Variants in CFAP47 observed in about 807,000 individuals in gnomAD.
The protein encoded by CFAP47 is cilia- and flagella-associated protein 47.
CFAP47 carries 29 observed loss-of-function variants against 148.1 expected under a neutral mutation model. The observed-to-expected ratio is 0.20, with a 90% CI of 0.15 to 0.27. The LOEUF (loss-of-function observed/expected upper bound fraction) is 0.27. Ranked by LOEUF, CFAP47 falls within the 10% of genes least tolerant of loss-of-function variation. The pLI is 1.00. For missense variants in CFAP47, 1,872 were observed against 1,697.5 expected (o/e 1.10, Z -1.81); for synonymous variants, 664 against 577.3 (o/e 1.15, Z -2.15).
chrX:36,380,355 T>C (rs1438263274), intron 63 of CFAP47, among the ~76,000 whole-genome samples: 1 of 113,176 alleles, frequency 8.8e-6, no homozygotes, highest in African/African-American at 3.2e-5. Context: ...TCTATTCTTT[T>C]CATCTTTCTA....
chrX:35,978,929 T>C (rs996323047), intron 15 of CFAP47, among the ~76,000 whole-genome samples: 2 of 111,804 alleles, frequency 1.8e-5, no homozygotes, highest in African/African-American at 6.5e-5. Context: ...TGTGTTTGTG[T>C]TTGATAGTGG....
chrX:36,027,130 ATATATATATGAT>A (rs1366621498), intron 22 of CFAP47, among the ~76,000 whole-genome samples: 19 of 87,737 alleles, frequency 2.2e-4, no homozygotes, highest in African/African-American at 4.2e-4. Context: ...ATATATGATT[ATATATATATGAT>A]TATATATATG....
chrX:36,164,053 G>A (rs768706988), intron 39 of CFAP47, among the ~76,000 whole-genome samples: 2 of 111,866 alleles, frequency 1.8e-5, no homozygotes, highest in African/African-American at 6.5e-5. Context: ...AGCATACTTT[G>A]TATTATTTAA....
At chrX:36,056,351 A>G (rs567304825) in intron 26 of CFAP47, among the ~76,000 whole-genome samples, 1 of 112,080 alleles carries the variant, frequency 8.9e-6, no homozygotes, top group African/African-American at 3.2e-5. Flanking sequence ...AGGGCATTTC[A>G]TATTTATACT....
chrX:36,195,064 T>C (rs1446287121), intron 42 of CFAP47, among the ~76,000 whole-genome samples: 1 of 113,010 alleles, frequency 8.8e-6, no homozygotes, highest in East Asian at 2.8e-4. Flanking sequence ...TGATGGGACA[T>C]CCTTGTCCTT....
At chrX:36,233,323 G>T (rs1384585099) in intron 46 of CFAP47, among the ~76,000 whole-genome samples, 1 of 111,564 alleles carries the variant, frequency 9.0e-6, no homozygotes, top group African/African-American at 3.3e-5. Flanking sequence ...TATATATTTA[G>T]GATAGTTAGC....
At chrX:36,235,835 TACA>T in intron 46 of CFAP47, 96 bp from the exon 47 acceptor site, 1 of 364,419 alleles carries the variant, frequency 2.7e-6, no homozygotes, top group Non-Finnish European at 4.9e-6. Context: ...CAATTAAAAA[TACA>T]ATATATAATG....
intron 15 of CFAP47, among the ~76,000 whole-genome samples, chrX:35,978,039 C>G (rs1936593581): frequency 8.9e-6 from 1 of 112,137 alleles, no homozygotes; most frequent in Non-Finnish European, 1.9e-5. Flanking sequence ...AATTTTAATA[C>G]TGAAAATACT....
In CFAP47 at chrX:36,156,204, ATT is replaced by A. The variant is rs773227740; in HGVS notation, c.5787-3219_5787-3218del. Among the ~76,000 whole-genome samples the A allele has an allele frequency of 6.3e-5, 7 of 110,928 alleles. No homozygotes were observed. In the Admixed American group the frequency reaches 6.7e-4, roughly 11 times the overall value. On this transcript the variant is annotated intron_variant, in intron 37 of 63. Coordinates refer to ENST00000378653, the MANE Select transcript of CFAP47 (RefSeq NM_001304548.2). ...TTTTTACAAATACGACTCAGAAAACATTTTGTTTTCCTAAACAAAAAAATGAG... is the reference window on the plus strand; with the variant it reads ...TTTTTACAAATACGACTCAGAAAACATTGTTTTCCTAAACAAAAAAATGAG...
intron 61 of CFAP47, among the ~76,000 whole-genome samples, chrX:36,362,264 T>G (rs1556019414): frequency 8.9e-6 from 1 of 112,552 alleles, no homozygotes; most frequent in African/African-American, 3.2e-5. Context: ...TTTACATGGG[T>G]ATGTTGCACT....
intron 8 of CFAP47, among the ~76,000 whole-genome samples, chrX:35,965,480 G>C (rs1156796230): frequency 4.5e-5 from 5 of 111,534 alleles, no homozygotes; most frequent in Non-Finnish European, 9.5e-5. Context: ...TCACAATCTA[G>C]GTTCCCAGGA....
At chrX:36,238,314 A>T (rs1432529794) in intron 48 of CFAP47, among the ~76,000 whole-genome samples, 1 of 112,287 alleles carries the variant, frequency 8.9e-6, no homozygotes, top group East Asian at 2.8e-4. Flanking sequence ...CATGTAAGAC[A>T]TGTCTTTTGC....
chrX:36,095,237 C>T (rs991724387), intron 30 of CFAP47, among the ~76,000 whole-genome samples: 1 of 111,641 alleles, frequency 9.0e-6, no homozygotes, highest in Admixed American at 9.5e-5. Context: ...AGGGATAAAT[C>T]TCACCTGGTC....
At chrX:36,239,891 G>C (rs1683286962) in intron 48 of CFAP47, among the ~76,000 whole-genome samples, 1 of 111,749 alleles carries the variant, frequency 8.9e-6, no homozygotes, top group African/African-American at 3.3e-5. Flanking sequence ...AACTACTTGA[G>C]TACTTAAAGT....
In CFAP47 at chrX:36,306,760, C is replaced by A. The variant is rs1297116705; in HGVS notation, c.8083-12C>A. 1.6e-5 allele frequency: 18 copies of A among 1,113,899 alleles called. No homozygotes were observed. Among genetic ancestry groups the A allele is most frequent in the Non-Finnish European group, 2.2e-5 (18 of 831,965 alleles). 91.8% of individuals were successfully genotyped at this position (1,113,899 alleles called of 1,213,427 possible). A position where few individuals can be genotyped will look rare whatever the true frequency, so the allele number is the denominator to read the frequency against. ...AATTTTTGTTCCCCCTTTGCTTTTT[C>A]CATTTACACAGCTGATCATATCTCC... On this transcript the variant is annotated splice_polypyrimidine_tract_variant and intron_variant, in intron 54 of 63. Transcript: ENST00000378653.
chrX:36,324,460 GA>G (rs1569317852), intron 57 of CFAP47, among the ~76,000 whole-genome samples: 1 of 111,445 alleles, frequency 9.0e-6, no homozygotes, highest in African/African-American at 3.3e-5. Context: ...AAGGTATGGG[GA>G]CTGAGCATTA....
At chrX:35,980,153 G>A (rs757230338) in intron 15 of CFAP47, among the ~76,000 whole-genome samples, 1 of 112,139 alleles carries the variant, frequency 8.9e-6, no homozygotes, top group Non-Finnish European at 1.9e-5. Flanking sequence ...AACAGAGGCT[G>A]AGGCCCAGTG....
intron 27 of CFAP47, among the ~76,000 whole-genome samples, chrX:36,066,620 T>C (rs1937644136): frequency 9.0e-6 from 1 of 111,668 alleles, no homozygotes; most frequent in African/African-American, 3.3e-5. Context: ...AACTTATTCC[T>C]TTATCTGAAT....
intron 33 of CFAP47, among the ~76,000 whole-genome samples, chrX:36,124,961 A>T (rs2146817083): frequency 9.0e-6 from 1 of 111,546 alleles, no homozygotes; most frequent in Admixed American, 9.6e-5. Flanking sequence ...AATTTAGTAT[A>T]ATGAGAGTGA....
Sources: allele counts gnomAD v4.1 joint callset (sites outside exome capture counted in the v4.1 genomes callset), GRCh38; gene constraint gnomAD v4.1.1; transcripts MANE v1.5; gene names NCBI Gene and HGNC (gene_info 2026-07-23, HGNC 2026-07-21).